NCF2: variants seen among roughly 807,000 people sequenced by gnomAD.
NCF2 encodes the protein neutrophil cytosol factor 2.
In NCF2, 45 loss-of-function variants were observed where a neutral mutation model predicts 70.9. That is an observed-to-expected ratio of 0.63 (90% confidence interval 0.50 to 0.81). The LOEUF is 0.81. Ranked by LOEUF, NCF2 falls within the 40% of genes least tolerant of loss-of-function variation. NCF2 has a pLI of 0.00. For synonymous variants in NCF2, 203 were observed against 233.6 expected (o/e 0.87, Z 1.19); for missense variants, 522 against 631.6 (o/e 0.83, Z 1.86).
upstream of NCF2, chr1:183,591,015 G>T (rs532579007): frequency 6.4e-6 from 1 of 155,074 alleles, no homozygotes; most frequent in Non-Finnish European, 1.4e-5. Context: ...CCTATGTCCT[G>T]CCCCTCCCCT....
chr1:183,588,544 C>CCCTTGTTCA (rs1673485564), intron 1 of NCF2, among the ~76,000 whole-genome samples: 1 of 151,278 alleles, frequency 6.6e-6, no homozygotes, highest in African/African-American at 2.4e-5. Flanking sequence ...TGTTGCATTT[C>CCCTTGTTCA]TTGTATTCCT....
the NCF2 span, among the ~76,000 whole-genome samples, chr1:183,597,327 A>G: frequency 1.6e-3 from 251 of 152,282 alleles, no homozygotes; most frequent in Admixed American, 2.6e-3. Flanking sequence ...CAAGCCAGTG[A>G]GTATCTAAGG....
chr1:183,573,344 G>A (rs2102903426), intron 4 of NCF2, 52 bp from the exon 5 acceptor site: 2 of 1,493,534 alleles, frequency 1.3e-6, no homozygotes, highest in Non-Finnish European at 1.9e-6. Flanking sequence ...GGGTGACGAT[G>A]CTTGTCCTGC....
chr1:183,565,407 A>G (rs1180695826), intron 10 of NCF2, among the ~76,000 whole-genome samples: 2 of 152,194 alleles, frequency 1.3e-5, no homozygotes, highest in African/African-American at 4.8e-5. Flanking sequence ...TTCCTGAGAC[A>G]TCGTTTCCCT....
intron 9 of NCF2, among the ~76,000 whole-genome samples, chr1:183,566,086 G>A (rs1672287766): frequency 6.6e-6 from 1 of 152,244 alleles, no homozygotes. Context: ...GCAGGACTGA[G>A]CTCTTGTCTC....
At chr1:183,600,627 T>G in the NCF2 span, among the ~76,000 whole-genome samples, 1 of 152,084 alleles carries the variant, frequency 6.6e-6, no homozygotes, top group Non-Finnish European at 1.5e-5. Context: ...TTTTTTCATC[T>G]GGTCACAGTT....
chr1:183,573,147 C>T, intron 5 of NCF2, 38 bp downstream of exon 5: 1 of 1,590,648 alleles, frequency 6.3e-7, no homozygotes, highest in Non-Finnish European at 8.6e-7. Flanking sequence ...TGGCCCGGGC[C>T]ACAGGAGACT....
At chr1:183,577,031 T>C (rs921593394) in intron 3 of NCF2, among the ~76,000 whole-genome samples, 9 of 152,242 alleles carry the variant, frequency 5.9e-5, no homozygotes, top group African/African-American at 2.2e-4. Flanking sequence ...TACCTAAATA[T>C]GTGCCTTGAG....
chr1:183,561,724 G>A (rs1379400520), intron 13 of NCF2, among the ~76,000 whole-genome samples: 1 of 145,720 alleles, frequency 6.9e-6, no homozygotes, highest in Non-Finnish European at 1.5e-5. Flanking sequence ...AGGTGATCTG[G>A]CCCATCTCGG....
intron 7 of NCF2, among the ~76,000 whole-genome samples, chr1:183,568,343 G>T (rs3845463): frequency 0.46 from 68,954 of 151,196 alleles, 16,003 homozygotes; most frequent in East Asian, 0.62. Context: ...ATTTTTTCAT[G>T]TTTAGTAGAC....
intron 1 of NCF2, among the ~76,000 whole-genome samples, chr1:183,587,973 A>G (rs1304976468): frequency 6.6e-6 from 1 of 152,182 alleles, no homozygotes; most frequent in Admixed American, 6.6e-5. Context: ...ATGATTTAAT[A>G]TGATTAGATA....
At chr1:183,593,729 C>T (rs1375551141), upstream of NCF2, among the ~76,000 whole-genome samples, 1 of 152,154 alleles carries the variant, frequency 6.6e-6, no homozygotes, top group East Asian at 1.9e-4. Flanking sequence ...GTTTCTGTCC[C>T]TCAATGCAGG....
intron 14 of NCF2, among the ~76,000 whole-genome samples, chr1:183,557,136 G>A (rs184391488): frequency 7.2e-4 from 109 of 152,266 alleles, no homozygotes; most frequent in South Asian, 1.5e-3. Context: ...TAAGGAAAAG[G>A]AGACCCAGAG....
chr1:183,579,416 TCC>T (rs904162567), intron 2 of NCF2, among the ~76,000 whole-genome samples: 1 of 152,064 alleles, frequency 6.6e-6, no homozygotes, highest in African/African-American at 2.4e-5. Flanking sequence ...TAAGTCTGTT[TCC>T]CCATCTTTAG....
intron 11 of NCF2, chr1:183,563,799 C>T: frequency 1.2e-6 from 1 of 811,896 alleles, no homozygotes; most frequent in Non-Finnish European, 2.1e-6. Context: ...TAAGATCTGG[C>T]CCACTAGCTT....
chr1:183,562,435 C>T (rs567162829), intron 13 of NCF2, among the ~76,000 whole-genome samples: 1 of 152,198 alleles, frequency 6.6e-6, no homozygotes, highest in East Asian at 1.9e-4. Flanking sequence ...TTGTCTCAGC[C>T]AGAGACACCA....
At chr1:183,565,489 AG>A (rs1672261044) in intron 10 of NCF2, among the ~76,000 whole-genome samples, 1 of 152,126 alleles carries the variant, frequency 6.6e-6, no homozygotes, top group South Asian at 2.1e-4. Context: ...AAGCCCCGTG[AG>A]TGTTCTGCAG....
intron 5 of NCF2, among the ~76,000 whole-genome samples, chr1:183,571,242 C>T (rs909042326): frequency 2.0e-5 from 3 of 151,050 alleles, no homozygotes; most frequent in South Asian, 2.1e-4. Flanking sequence ...CTCAGCCTCC[C>T]GAGTAGCTGA....
In NCF2 at chr1:183,555,864, T is replaced by C. The variant is rs961070816; in HGVS notation, c.*254A>G. ...ACCTGGAAGACTCTCTCGTGCCCTT[T>C]CCAGACACTTCCATCCACTTTTCCT... On this transcript the variant is annotated 3_prime_UTR_variant, in exon 15 of 15. Coordinates refer to ENST00000367535, the MANE Select transcript of NCF2 (RefSeq NM_000433.4). The C allele has an allele frequency of 1.4e-5, 8 of 559,446 alleles. No individual in the cohort carries two copies. The highest frequency in any genetic ancestry group is 2.6e-5 in the Non-Finnish European group (8 of 311,728). 34.7% of individuals were successfully genotyped at this position (559,446 alleles called of 1,614,324 possible).
Sources: gnomAD v4.1 joint callset for allele counts (sites outside exome capture counted in the v4.1 genomes callset) on GRCh38, gnomAD v4.1.1 for gene constraint, MANE v1.5 for transcripts, NCBI Gene and HGNC (gene_info 2026-07-23, HGNC 2026-07-21) for gene names.